Variants in EPM2A observed in about 807,000 individuals in gnomAD.
The protein encoded by EPM2A is laforin.
EPM2A carries 21 observed loss-of-function variants against 26.5 expected under a neutral mutation model. The observed-to-expected ratio is 0.79, with a 90% CI of 0.56 to 1.14. The LOEUF (loss-of-function observed/expected upper bound fraction) is 1.14. Among genes scored for constraint, EPM2A ranks in the 50% most tolerant of loss-of-function variants. The pLI, the probability that EPM2A is intolerant of heterozygous loss-of-function variation, is 0.00. For synonymous variants in EPM2A, 217 were observed against 177.6 expected (o/e 1.22, Z -1.76); for missense variants, 458 against 440.8 (o/e 1.04, Z -0.35).
At chr6:145,497,250 G>T (rs1287124822), downstream of EPM2A, among the ~76,000 whole-genome samples, 2 of 152,178 alleles carry the variant, frequency 1.3e-5, no homozygotes, top group Non-Finnish European at 2.9e-5. Flanking sequence ...GCGGTTTTGG[G>T]TTTGTTCTTT....
intron 2 of EPM2A, among the ~76,000 whole-genome samples, chr6:145,615,820 G>C (rs568301236): frequency 2.0e-5 from 3 of 150,170 alleles, no homozygotes; most frequent in Non-Finnish European, 4.4e-5. Flanking sequence ...ATGGAACTTT[G>C]AACTTGACAG....
chr6:145,425,909 G>T (rs1429151394), intron 4 of EPM2A, among the ~76,000 whole-genome samples: 1 of 152,090 alleles, frequency 6.6e-6, no homozygotes, highest in East Asian at 1.9e-4. Flanking sequence ...GTCTCAATGT[G>T]ATCAATCGCA....
At chr6:145,670,995 TAA>T in intron 2 of EPM2A, 1 of 984,786 alleles carries the variant, frequency 1.0e-6, no homozygotes, top group Non-Finnish European at 1.2e-6. Flanking sequence ...TCTTAAGATT[TAA>T]AAGAATCTCA....
intron 4 of EPM2A, chr6:145,489,960 A>C (rs1779733080): frequency 2.9e-6 from 4 of 1,372,960 alleles, no homozygotes; most frequent in Non-Finnish European, 4.1e-6. Flanking sequence ...CTGGAAGCAC[A>C]CTCGTGTGAA....
At chr6:145,711,722 AT>A (rs1164204369) in intron 1 of EPM2A, among the ~76,000 whole-genome samples, 1 of 152,156 alleles carries the variant, frequency 6.6e-6, no homozygotes, top group African/African-American at 2.4e-5. Flanking sequence ...ATTAAATCAA[AT>A]GTTTTTTAGA....
At chr6:145,402,535 C>A (rs1391219939) in intron 4 of EPM2A, among the ~76,000 whole-genome samples, 1 of 151,998 alleles carries the variant, frequency 6.6e-6, no homozygotes, top group African/African-American at 2.4e-5. Context: ...GATGTAGTAC[C>A]AATATTAATT....
chr6:145,612,945 G>T (rs1244088109), intron 2 of EPM2A, among the ~76,000 whole-genome samples: 3 of 151,760 alleles, frequency 2.0e-5, no homozygotes, highest in African/African-American at 7.2e-5. Context: ...GGCTGGCTGT[G>T]GCAATTTCAT....
chr6:145,641,778 C>T lies in EPM2A; in HGVS notation c.477-6292G>A, dbSNP rs573458195. Among the ~76,000 whole-genome samples the T allele has an allele frequency of 7.9e-5, 12 of 152,206 alleles. No individual in the cohort carries two copies. In the East Asian group the frequency reaches 1.9e-3, roughly 25 times the overall value. ...CTGATGTCCTTCCATCTATCACCTG[C>T]GCACCTCTCACATGAGGGAAAAGAT... is the stretch of plus-strand genomic sequence containing the variant. On this transcript the variant is annotated intron_variant, in intron 2 of 3. Coordinates refer to ENST00000367519, the MANE Select transcript of EPM2A (RefSeq NM_005670.4).
intron 2 of EPM2A, among the ~76,000 whole-genome samples, chr6:145,683,008 T>C (rs986621866): frequency 1.3e-5 from 2 of 152,148 alleles, no homozygotes; most frequent in East Asian, 1.9e-4. Flanking sequence ...CAGATGAACA[T>C]AGCAAACAGA....
intron 3 of EPM2A, chr6:145,631,331 A>C (rs187961721): frequency 6.6e-6 from 1 of 152,286 alleles, no homozygotes; most frequent in African/African-American, 2.4e-5. Flanking sequence ...AGACATTTCC[A>C]TTCTTAAAAA....
intron 2 of EPM2A, among the ~76,000 whole-genome samples, chr6:145,505,092 T>G (rs1177929629): frequency 3.9e-5 from 4 of 103,744 alleles, no homozygotes; most frequent in Non-Finnish European, 7.5e-5. Context: ...CTGGGGACTG[T>G]GGTGGGGTGG....
chr6:145,483,158 C>A (rs924268593), intron 4 of EPM2A, among the ~76,000 whole-genome samples: 2 of 151,878 alleles, frequency 1.3e-5, no homozygotes, highest in Non-Finnish European at 2.9e-5. Context: ...AAAACAGTGT[C>A]TTTTAGCATG....
chr6:145,423,379 G>A (rs1193556197), intron 4 of EPM2A, among the ~76,000 whole-genome samples: 2 of 152,104 alleles, frequency 1.3e-5, no homozygotes, highest in Non-Finnish European at 2.9e-5. Context: ...AGAGGGAAAG[G>A]GCTTTCCACC....
intron 4 of EPM2A, among the ~76,000 whole-genome samples, chr6:145,448,523 T>G (rs1779153600): frequency 6.6e-6 from 1 of 152,162 alleles, no homozygotes; most frequent in Non-Finnish European, 1.5e-5. Flanking sequence ...ACATCTAACT[T>G]GAGGAACAAA....
At chr6:145,487,976 T>C (rs1343907534) in intron 4 of EPM2A, among the ~76,000 whole-genome samples, 1 of 152,186 alleles carries the variant, frequency 6.6e-6, no homozygotes, top group Non-Finnish European at 1.5e-5. Flanking sequence ...CTTTAATCCA[T>C]CTTGAGTTAA....
intron 3 of EPM2A, among the ~76,000 whole-genome samples, chr6:145,633,345 G>A (rs894383785): frequency 2.0e-5 from 3 of 152,178 alleles, no homozygotes; most frequent in Admixed American, 6.5e-5. Context: ...TTTGAAACCA[G>A]GAAAACCAGC....
At chr6:145,706,025 A>T in intron 1 of EPM2A, 1 of 444,542 alleles carries the variant, frequency 2.2e-6, no homozygotes, top group South Asian at 1.6e-5. Flanking sequence ...AGGCTGGAAG[A>T]CTTGGAATGT....
chr6:145,596,658 C>T (rs1197237303), intron 2 of EPM2A, among the ~76,000 whole-genome samples: 1 of 151,820 alleles, frequency 6.6e-6, no homozygotes, highest in East Asian at 1.9e-4. Context: ...CTATTAATGG[C>T]TTCCTACACC....
At chr6:145,638,117 A>G (rs1199622772) in intron 2 of EPM2A, 1 of 152,236 alleles carries the variant, frequency 6.6e-6, no homozygotes. Context: ...GAATTTCATG[A>G]CAGGCAAGCT....
Sources: allele counts gnomAD v4.1 joint callset (sites outside exome capture counted in the v4.1 genomes callset), GRCh38; gene constraint gnomAD v4.1.1; transcripts MANE v1.5; gene names NCBI Gene and HGNC (gene_info 2026-07-23, HGNC 2026-07-21).